Variants in GALNT17 observed in about 807,000 individuals in gnomAD.
GALNT17 encodes the protein UDP-GalNAc:polypeptide N-acetylgalactosaminyltransferase-like 3.
Under a neutral mutation model 63.7 loss-of-function variants are expected in GALNT17, and 29 were observed. That is an observed-to-expected ratio of 0.46 (90% CI 0.34 to 0.62). The LOEUF (loss-of-function observed/expected upper bound fraction) is 0.62. Among genes scored for constraint, GALNT17 ranks in the 20% least tolerant of loss-of-function variants. GALNT17 has a pLI of 0.01. For missense variants in GALNT17, 603 were observed against 799.6 expected (o/e 0.75, Z 2.97); for synonymous variants, 305 against 318.3 (o/e 0.96, Z 0.45).
chr7:71,405,531 C>A (rs190171636), intron 3 of GALNT17, among the ~76,000 whole-genome samples: 3 of 151,956 alleles, frequency 2.0e-5, no homozygotes, highest in East Asian at 1.9e-4. Context: ...GAAATAATAC[C>A]GTAACTACTT....
At chr7:71,202,997 CACACACACACATACAT>C (rs1248896014) in intron 1 of GALNT17, among the ~76,000 whole-genome samples, 2 of 152,148 alleles carry the variant, frequency 1.3e-5, no homozygotes, top group African/African-American at 4.8e-5. Flanking sequence ...CACGTGCACA[CACACACACACATACAT>C]ACACACACAC....
chr7:71,308,593 CT>C (rs1267606481), intron 1 of GALNT17, among the ~76,000 whole-genome samples: 1 of 152,090 alleles, frequency 6.6e-6, no homozygotes, highest in African/African-American at 2.4e-5. Flanking sequence ...TCAAGAGCCC[CT>C]CTGTATCCCC....
chr7:71,435,125 A>C (rs1786935163), intron 5 of GALNT17, among the ~76,000 whole-genome samples: 1 of 152,262 alleles, frequency 6.6e-6, no homozygotes, highest in Admixed American at 6.5e-5. Context: ...CAGGAGTTCA[A>C]GACCAGCCTG....
At chr7:71,623,339 C>G (rs1016235971) in intron 6 of GALNT17, among the ~76,000 whole-genome samples, 9 of 150,038 alleles carry the variant, frequency 6.0e-5, no homozygotes, top group African/African-American at 2.0e-4. Context: ...TAAAACAGTG[C>G]CTGGCTTGGA....
chr7:71,310,123 C>T (rs550774268), intron 1 of GALNT17, among the ~76,000 whole-genome samples: 6 of 152,290 alleles, frequency 3.9e-5, no homozygotes, highest in East Asian at 1.9e-4. Flanking sequence ...CCTCCCTAGC[C>T]ATGTGGAACT....
chr7:71,640,432 T>G (rs1219965250), intron 6 of GALNT17, among the ~76,000 whole-genome samples: 1 of 152,170 alleles, frequency 6.6e-6, no homozygotes, highest in Non-Finnish European at 1.5e-5. Flanking sequence ...GTAAACTTGG[T>G]CAGAAATATA....
intron 1 of GALNT17, among the ~76,000 whole-genome samples, chr7:71,144,686 A>C (rs1236100755): frequency 6.6e-6 from 1 of 150,998 alleles, no homozygotes; most frequent in East Asian, 2.0e-4. Context: ...GAGTGAGGAG[A>C]TGGGAGGAGA....
At chr7:71,307,830 A>G (rs923808479) in intron 1 of GALNT17, 1 of 152,372 alleles carries the variant, frequency 6.6e-6, no homozygotes, top group African/African-American at 2.4e-5. Flanking sequence ...CTTATGAGTG[A>G]AGCATTTTTT....
chr7:71,508,024 G>A (rs1563143713), intron 5 of GALNT17, among the ~76,000 whole-genome samples: 2 of 152,246 alleles, frequency 1.3e-5, no homozygotes, highest in South Asian at 2.1e-4. Flanking sequence ...AGTCCACCCC[G>A]AAGAAATTAA....
At chr7:71,686,264 T>G (rs1791356910) in intron 9 of GALNT17, among the ~76,000 whole-genome samples, 1 of 151,890 alleles carries the variant, frequency 6.6e-6, no homozygotes, top group African/African-American at 2.4e-5. Flanking sequence ...CTGTTTACTC[T>G]TTATAATGTA....
chr7:71,464,525 C>A (rs1184328427), intron 5 of GALNT17, among the ~76,000 whole-genome samples: 1 of 152,252 alleles, frequency 6.6e-6, no homozygotes, highest in East Asian at 1.9e-4. Context: ...TCCCCTGAAA[C>A]AGAAAGAAGC....
intron 1 of GALNT17, among the ~76,000 whole-genome samples, chr7:71,137,982 T>C (rs1369432030): frequency 6.6e-6 from 1 of 152,236 alleles, no homozygotes; most frequent in Non-Finnish European, 1.5e-5. Flanking sequence ...TTAACACTTA[T>C]TTTCTATCTT....
intron 1 of GALNT17, among the ~76,000 whole-genome samples, chr7:71,265,415 G>A (rs977708362): frequency 6.6e-6 from 1 of 151,812 alleles, no homozygotes; most frequent in Non-Finnish European, 1.5e-5. Flanking sequence ...GTGAGCCACT[G>A]TGCCCAGCCA....
intron 5 of GALNT17, among the ~76,000 whole-genome samples, chr7:71,511,444 CTT>C (rs948684902): frequency 1.3e-5 from 2 of 152,196 alleles, no homozygotes; most frequent in African/African-American, 4.8e-5. Context: ...CTTTTGAAGA[CTT>C]TCACGCAGTG....
chr7:71,339,680 AC>A (rs985222549), intron 2 of GALNT17, among the ~76,000 whole-genome samples: 69 of 150,306 alleles, frequency 4.6e-4, no homozygotes, highest in African/African-American at 1.6e-3. Flanking sequence ...ACAGAGTGAG[AC>A]TCTGTCTCAA....
chr7:71,471,168 C>G (rs903406645), intron 5 of GALNT17, among the ~76,000 whole-genome samples: 2 of 151,924 alleles, frequency 1.3e-5, no homozygotes, highest in African/African-American at 4.8e-5. Flanking sequence ...ACTTCAGGCT[C>G]CAGGCTCAAG....
At chr7:71,217,140 GT>G (rs200574411) in intron 1 of GALNT17, among the ~76,000 whole-genome samples, 17 of 95,214 alleles carry the variant, frequency 1.8e-4, no homozygotes, top group African/African-American at 7.3e-4. Context: ...ATTTTTTCGT[GT>G]TTTGTTTTTT....
chr7:71,275,237 C>T (rs190773245), intron 1 of GALNT17, among the ~76,000 whole-genome samples: 8 of 152,184 alleles, frequency 5.3e-5, no homozygotes, highest in Non-Finnish European at 8.8e-5. Flanking sequence ...GGGGTCCTTA[C>T]GTTAATAAAT....
chr7:71,481,179 G>A (rs975372654), intron 5 of GALNT17, among the ~76,000 whole-genome samples: 1 of 152,194 alleles, frequency 6.6e-6, no homozygotes, highest in Admixed American at 6.5e-5. Context: ...GGGCACAGTG[G>A]CTCACGCCTG....
Sources: allele counts gnomAD v4.1 joint callset (sites outside exome capture counted in the v4.1 genomes callset), GRCh38; gene constraint gnomAD v4.1.1; transcripts MANE v1.5; gene names NCBI Gene and HGNC (gene_info 2026-07-23, HGNC 2026-07-21).